Variants in RAET1E observed in about 807,000 individuals in gnomAD.
RAET1E encodes the protein NKG2D ligand 4.
RAET1E carries 27 observed loss-of-function variants against 21.1 expected under a neutral mutation model. The observed-to-expected ratio is 1.28, with a 90% CI of 0.94 to 1.76. The LOEUF is 1.76. Ranked by LOEUF, RAET1E falls within the 40% of genes most tolerant of loss-of-function variation. The probability of loss-of-function intolerance (pLI) is 0.00; values close to 1 mark genes in which losing one functional copy is unlikely to be tolerated. For synonymous variants in RAET1E, 113 were observed against 115.0 expected (o/e 0.98, Z 0.11); for missense variants, 310 against 311.3 (o/e 1.00, Z 0.03).
intron 2 of RAET1E, among the ~76,000 whole-genome samples, chr6:149,891,624 T>C (rs1777900374): frequency 6.6e-6 from 1 of 152,138 alleles, no homozygotes; most frequent in Non-Finnish European, 1.5e-5. Context: ...CAGTGGCTCA[T>C]GCCTATAATC....
In RAET1E at chr6:149,884,301, G is replaced by GAA. The variant is rs907348308; in HGVS notation, c.*4195_*4196dup. On this transcript the variant is annotated 3_prime_UTR_variant, in exon 6 of 6. Coordinates refer to ENST00000357183, the MANE Select transcript of RAET1E (RefSeq NM_001394057.1). Reference sequence around the variant, plus strand: ...CCCTATCTTTTAAAAAATATGTACTGAAAAAAAATTTTTTTTTTTTGAGAC... The same window carrying GAA: ...CCCTATCTTTTAAAAAATATGTACTGAAAAAAAAAATTTTTTTTTTTTGAGAC... 3 of 548,636 alleles carry GAA rather than the reference G, an allele frequency of 5.5e-6. No homozygotes were observed. Among genetic ancestry groups the GAA allele is most frequent in the East Asian group, 3.3e-5 (1 of 29,964 alleles). 34.0% of individuals were successfully genotyped at this position (548,636 alleles called of 1,614,324 possible). A position where few individuals can be genotyped will look rare whatever the true frequency, so the allele number is the denominator to read the frequency against.
intron 5 of RAET1E, among the ~76,000 whole-genome samples, chr6:149,888,930 TGGTTA>T (rs1777748919): frequency 1.3e-5 from 2 of 152,164 alleles, no homozygotes; most frequent in Admixed American, 1.3e-4. Flanking sequence ...ACGATTACTG[TGGTTA>T]GAACTGTTTG....
rs1446075662 is a variant in RAET1E at position 149,886,099 on chromosome 6, G to A, written c.*2399C>T. Among the ~76,000 whole-genome samples, 2 of 152,200 alleles carry A rather than the reference G, an allele frequency of 1.3e-5. No individual in the cohort carries two copies. Among genetic ancestry groups the A allele is most frequent in the East Asian group, 3.9e-4 (2 of 5,190 alleles). On this transcript the variant is annotated 3_prime_UTR_variant, in exon 6 of 6. Transcript: ENST00000357183. Reference sequence around the variant, plus strand: ...CATGAGCAAAAAATTTGGCAGCAATGATGCACGGTGATTCAGAGATCAAAA... The same window carrying A: ...CATGAGCAAAAAATTTGGCAGCAATAATGCACGGTGATTCAGAGATCAAAA...
At chr6:149,890,252 G>A (rs530020593) in intron 3 of RAET1E, 107 bp from the exon 4 acceptor site, 27 of 1,233,220 alleles carry the variant, frequency 2.2e-5, no homozygotes, top group East Asian at 9.5e-5. Context: ...TAGCAGAGGC[G>A]GGGCAGCTCC....
At chr6:149,890,795 T>G (rs1203973114) in intron 3 of RAET1E, 22 bp downstream of exon 3, 3 of 1,565,802 alleles carry the variant, frequency 1.9e-6, no homozygotes, top group Non-Finnish European at 2.6e-6. Flanking sequence ...CCTCAGCCAG[T>G]TCTTGTGCTC....
At chr6:149,889,056 G>A (rs1395021087) in intron 5 of RAET1E, 7 of 1,360,674 alleles carry the variant, frequency 5.1e-6, no homozygotes, top group Admixed American at 6.3e-5. Flanking sequence ...GGAAGAGAAG[G>A]CCTGGATGTT....
Position 149,889,463 on chromosome 6 carries a change from C to T in RAET1E, c.507G>A (p.Glu169=), listed in dbSNP as rs1469472712. 6 of 1,614,216 alleles carry T rather than the reference C, an allele frequency of 3.7e-6. No homozygotes were observed. The highest frequency in any genetic ancestry group is 3.4e-6 in the Non-Finnish European group (4 of 1,180,034). ...VINHEASKIK[E]TWKKDRGLEK... ...CCAGCCCTCTGTCTTTCTTCCATGTCTCCTTGATCTTACTGGCTTCATGAT... is the reference window on the plus strand; with the variant it reads ...CCAGCCCTCTGTCTTTCTTCCATGTTTCCTTGATCTTACTGGCTTCATGAT... The change falls in exon 5 of 6, where the codon GAG becomes GAA. Residue 169 remains glutamate, a synonymous_variant. Coordinates refer to ENST00000357183, the MANE Select transcript of RAET1E (RefSeq NM_001394057.1).
chr6:149,889,353 G>A lies in RAET1E; in HGVS notation c.617C>T (p.Pro206Leu), dbSNP rs762248395. Residue 206 changes from proline to leucine, a missense_variant, in exon 5 of 6, where the codon CCG becomes CTG. Transcript: ENST00000357183. ...CTCCCACCCAGCTCAGTTACCTGTC[G>A]GTTCTGGCATTGCCTCCCAGTGCCC... ...FLGHWEAMPE[P>L]TVSPVNASDI... The A allele has an allele frequency of 5.7e-5, 92 of 1,613,862 alleles. No individual in the cohort carries two copies. Among genetic ancestry groups the A allele is most frequent in the South Asian group, 9.9e-5 (9 of 91,076 alleles).
rs774682391 is a variant in RAET1E at position 149,889,448 on chromosome 6, G to C, written c.522C>G (p.Asp174Glu). 1.2e-6 allele frequency: 2 copies of C among 1,614,178 alleles called. No individual in the cohort carries two copies. The highest frequency in any genetic ancestry group is 2.2e-5 in the South Asian group (2 of 91,082). The change falls in exon 5 of 6, where the codon GAC becomes GAG. Residue 174 changes from aspartate to glutamate, a missense_variant. Transcript: ENST00000357183. ...ASKIKETWKK[D>E]RGLEKYFRKL... The stretch of plus-strand genomic sequence containing the variant: ...TCCTGAAATACTTTTCCAGCCCTCT[G>C]TCTTTCTTCCATGTCTCCTTGATCT...
chr6:149,888,772 G>C lies in RAET1E; in HGVS notation c.623-105C>G. The C allele has an allele frequency of 2.1e-6, 3 of 1,445,478 alleles. No homozygotes were observed. The South Asian group carries it at 4.1e-5, about 20-fold the overall frequency. 89.5% of individuals were successfully genotyped at this position (1,445,478 alleles called of 1,614,324 possible). On this transcript the variant is annotated intron_variant, in intron 5 of 5. Transcript: ENST00000357183. ...GCCCCTGCTTTCCCCAGGAACACATGGTGCCCCACATAATCACTGGCTCAT... is the reference window on the plus strand; with the variant it reads ...GCCCCTGCTTTCCCCAGGAACACATCGTGCCCCACATAATCACTGGCTCAT...
At position 149,883,434 on chromosome 6, in the gene RAET1E, A is replaced by G. The variant is rs1373138128; in HGVS notation, c.*5064T>C. ...TACTTGTGTCTGGGCTCAGTGGCTC[A>G]TGCTATAATCCCAGCACTTTGAGAG... is the stretch of plus-strand genomic sequence containing the variant. On this transcript the variant is annotated 3_prime_UTR_variant, in exon 6 of 6. Transcript: ENST00000357183. The G allele has an allele frequency of 1.3e-5, 2 of 150,842 alleles. No homozygotes were observed. The highest frequency in any genetic ancestry group is 6.6e-5 in the Admixed American group (1 of 15,090). 9.3% of individuals were successfully genotyped at this position (150,842 alleles called of 1,614,324 possible). A position where few individuals can be genotyped will look rare whatever the true frequency, so the allele number is the denominator to read the frequency against.
intron 5 of RAET1E, chr6:149,889,038 A>G: frequency 7.7e-7 from 1 of 1,304,680 alleles, no homozygotes; most frequent in Non-Finnish European, 9.9e-7. Flanking sequence ...AAGGGTAATT[A>G]TAATAGAGGA....
chr6:149,896,644 TTGTGTG>T (rs56944213), intron 1 of RAET1E, among the ~76,000 whole-genome samples: 11 of 148,686 alleles, frequency 7.4e-5, no homozygotes, highest in South Asian at 2.2e-4. Context: ...ATGTGTGTGT[TTGTGTG>T]TGTGTGTGTG....
In RAET1E at chr6:149,888,668, CTAAAA is replaced by C. The variant is rs772364121; in HGVS notation, c.623-6_623-2del. On this transcript the variant is annotated splice_acceptor_variant and splice_polypyrimidine_tract_variant and intron_variant, in intron 5 of 5. Transcript: ENST00000357183. LOFTEE classifies it high-confidence loss of function. ...ATATCTGAAGCATTTACTGGTGACA[CTAAAA>C]AAAAAAAAAAAAAGAAAAAAAAGCA... is the stretch of plus-strand genomic sequence containing the variant. 8.2e-7 allele frequency: 1 copy of C among 1,213,310 alleles called. No homozygotes were observed. The highest frequency in any genetic ancestry group is 1.0e-6 in the Non-Finnish European group (1 of 960,688). The allele number at this position is 1,213,310 out of a possible 1,614,324, so 75.2% of individuals were successfully genotyped here.
chr6:149,888,669 T>TAAAAAAA lies in RAET1E; in HGVS notation c.623-9_623-3dup, dbSNP rs3036672. 5.3e-4 allele frequency: 710 copies of TAAAAAAA among 1,338,034 alleles called. 4 individuals carry two copies. Among genetic ancestry groups the TAAAAAAA allele is most frequent in the South Asian group, 2.0e-3 (129 of 63,926 alleles). 82.9% of individuals were successfully genotyped at this position (1,338,034 alleles called of 1,614,324 possible). On this transcript the variant is annotated splice_polypyrimidine_tract_variant and splice_region_variant and intron_variant, in intron 5 of 5. Coordinates refer to ENST00000357183, the MANE Select transcript of RAET1E (RefSeq NM_001394057.1). ...TATCTGAAGCATTTACTGGTGACACTAAAAAAAAAAAAAAAAAGAAAAAAA... is the reference window on the plus strand; with the variant it reads ...TATCTGAAGCATTTACTGGTGACACTAAAAAAAAAAAAAAAAAAAAAAAAGAAAAAAA...
intron 1 of RAET1E, among the ~76,000 whole-genome samples, chr6:149,896,390 C>T (rs901932472): frequency 5.3e-5 from 8 of 152,136 alleles, no homozygotes; most frequent in East Asian, 1.9e-4. Context: ...TTGAAGGAGC[C>T]GAGGAATGCA....
rs1445092044 is a variant in RAET1E, at chr6:149,885,731, G to T, written c.*2767C>A. 2 of 152,312 alleles carry T rather than the reference G, an allele frequency of 1.3e-5. No homozygotes were observed. The highest frequency in any genetic ancestry group is 6.5e-5 in the Admixed American group (1 of 15,288). The allele number at this position is 152,312 out of a possible 1,614,324, so 9.4% of individuals were successfully genotyped here. The stretch of plus-strand genomic sequence containing the variant: ...ATGGTTGAGGTGAAATGGAACAGAA[G>T]AGTGCAGGTTCTTGTCCAAGCTCCA... On this transcript the variant is annotated 3_prime_UTR_variant, in exon 6 of 6. Coordinates refer to ENST00000357183, the MANE Select transcript of RAET1E (RefSeq NM_001394057.1).
rs1777574281 is a variant in RAET1E, at chr6:149,885,598, C to T, written c.*2900G>A. 6.6e-6 allele frequency: 1 copy of T among 152,412 alleles called. No homozygotes were observed. The highest frequency in any genetic ancestry group is 6.5e-5 in the Admixed American group (1 of 15,288). 9.4% of individuals were successfully genotyped at this position (152,412 alleles called of 1,614,324 possible). A position where few individuals can be genotyped will look rare whatever the true frequency, so the allele number is the denominator to read the frequency against. On this transcript the variant is annotated 3_prime_UTR_variant, in exon 6 of 6. Transcript: ENST00000357183. ...TTTTGCTCACAGTATACCTGATGCC[C>T]TCCCTCCTGACCTGTGATTGGGATT...
rs1777604263 is a variant in RAET1E, at chr6:149,886,260, G to A, written c.*2238C>T. Among the ~76,000 whole-genome samples the A allele has an allele frequency of 6.6e-6, 1 of 152,100 alleles. No homozygotes were observed. The highest frequency in any genetic ancestry group is 1.5e-5 in the Non-Finnish European group (1 of 68,018). ...TTTTAATTTGATATATAGTTATTTG[G>A]AAGCATATTATTTGATATCCAAACA... On this transcript the variant is annotated 3_prime_UTR_variant, in exon 6 of 6. Transcript: ENST00000357183.
Sources: allele counts gnomAD v4.1 joint callset (sites outside exome capture counted in the v4.1 genomes callset), GRCh38; gene constraint gnomAD v4.1.1; transcripts MANE v1.5; gene names NCBI Gene and HGNC (gene_info 2026-07-23, HGNC 2026-07-21).